The following TECRL variants were observed in gnomAD, a reference collection of about 807,000 sequenced individuals.
TECRL encodes trans-2,3-enoyl-CoA reductase like, also known as trans-2,3-enoyl-CoA reductase-like.
Under a neutral mutation model 52.8 loss-of-function variants are expected in TECRL, and 63 were observed. The observed-to-expected ratio is 1.19, with a 90% confidence interval of 0.97 to 1.47. The LOEUF is 1.47. Ranked by LOEUF, TECRL falls within the 40% of genes most tolerant of loss-of-function variation. The probability of loss-of-function intolerance (pLI) is 0.00; values close to 1 mark genes in which losing one functional copy is unlikely to be tolerated. For synonymous variants in TECRL, 164 were observed against 141.9 expected, an observed-to-expected ratio of 1.16 and a Z score of -1.10; for missense variants, 482 against 429.6, an observed-to-expected ratio of 1.12 and a Z score of -1.08.
At chr4:64,369,138 A>G (rs1223028991) in intron 2 of TECRL, among the ~76,000 whole-genome samples, 1 of 152,130 alleles carries the variant, frequency 6.6e-6, no homozygotes, top group Admixed American at 6.6e-5. Context: ...GGGCAAAATG[A>G]TTTTGCTTTT....
intron 2 of TECRL, among the ~76,000 whole-genome samples, chr4:64,342,463 T>G (rs1198965611): frequency 6.6e-6 from 1 of 150,662 alleles, no homozygotes; most frequent in African/African-American, 2.4e-5. Flanking sequence ...GTGTGTGTGT[T>G]TATTTATATT....
intron 2 of TECRL, among the ~76,000 whole-genome samples, chr4:64,335,984 G>A (rs963873859): frequency 6.6e-6 from 1 of 151,800 alleles, no homozygotes; most frequent in Non-Finnish European, 1.5e-5. Context: ...TTTGGTTGTT[G>A]TGTCTCTGCC....
chr4:64,335,926 T>C (rs1243535029), intron 2 of TECRL, among the ~76,000 whole-genome samples: 3 of 152,216 alleles, frequency 2.0e-5, no homozygotes, highest in African/African-American at 7.2e-5. Context: ...GCCAGTATTT[T>C]ATTGAGAATT....
At chr4:64,371,695 T>C (rs1721981581) in intron 2 of TECRL, among the ~76,000 whole-genome samples, 1 of 151,776 alleles carries the variant, frequency 6.6e-6, no homozygotes, top group Non-Finnish European at 1.5e-5. Flanking sequence ...TCATTCCTGC[T>C]CCAGCTAGCC....
At chr4:64,400,646 T>C (rs969966081) in intron 1 of TECRL, among the ~76,000 whole-genome samples, 8 of 152,130 alleles carry the variant, frequency 5.3e-5, no homozygotes, top group Non-Finnish European at 1.0e-4. Context: ...TTTAGTACCA[T>C]TCTCTTGGCA....
intron 1 of TECRL, among the ~76,000 whole-genome samples, chr4:64,395,789 T>C (rs1723904592): frequency 6.6e-6 from 1 of 152,122 alleles, no homozygotes; most frequent in African/African-American, 2.4e-5. Context: ...ATAAACATAG[T>C]AGCCAATAGT....
chr4:64,289,710 C>A lies in TECRL; in HGVS notation c.832G>T (p.Gly278Ter). The A allele has an allele frequency of 1.3e-6, 2 of 1,533,826 alleles. No individual in the cohort carries two copies. The highest frequency in any genetic ancestry group is 1.7e-6 in the Non-Finnish European group (2 of 1,150,868). The change falls in exon 9 of 12, where the codon GGA becomes TGA. Residue 278 changes from glycine (G) to a stop codon, truncating the protein, a stop_gained and splice_region_variant. Coordinates refer to ENST00000381210, the MANE Select transcript of TECRL (RefSeq NM_001010874.5). LOFTEE classifies it high-confidence loss of function. ...AAAAGAAAAAGAAAAAAGAACTAAC[C>A]TGTGTGATTGGGATGAGACAACATT... ...NVMLSHPNHT[G>*]NNACFPSPNY...
chr4:64,404,797 A>G (rs143430956), intron 1 of TECRL, among the ~76,000 whole-genome samples: 129 of 152,232 alleles, frequency 8.5e-4, no homozygotes, highest in African/African-American at 3.0e-3. Flanking sequence ...TGTATGAACA[A>G]ATATTCTAAC....
At chr4:64,322,845 C>T (rs796745993) in intron 3 of TECRL, 53 bp from the exon 4 acceptor site, 154 of 1,317,148 alleles carry the variant, frequency 1.2e-4, no homozygotes, top group African/African-American at 2.2e-4. Context: ...CTTAGCATAA[C>T]GATAAAGAAT....
chr4:64,355,465 G>A (rs917388391), intron 2 of TECRL, among the ~76,000 whole-genome samples: 5 of 152,002 alleles, frequency 3.3e-5, no homozygotes, highest in African/African-American at 1.2e-4. Flanking sequence ...AGACTCAAGA[G>A]ATTATGTAAA....
chr4:64,389,111 T>G (rs191056105), intron 1 of TECRL, among the ~76,000 whole-genome samples: 1 of 152,072 alleles, frequency 6.6e-6, no homozygotes, highest in East Asian at 1.9e-4. Flanking sequence ...GTAAACTCTT[T>G]ATTTCCTTTT....
chr4:64,329,315 TAA>T (rs1718470723), intron 2 of TECRL, among the ~76,000 whole-genome samples: 1 of 151,978 alleles, frequency 6.6e-6, no homozygotes, highest in Non-Finnish European at 1.5e-5. Context: ...AATAAATTTT[TAA>T]AAGAGTATTT....
intron 2 of TECRL, among the ~76,000 whole-genome samples, 161 bp from the exon 3 acceptor site, chr4:64,328,717 C>G (rs1718427056): frequency 6.6e-6 from 1 of 151,714 alleles, no homozygotes; most frequent in Non-Finnish European, 1.5e-5. Flanking sequence ...AGGGTACTGA[C>G]CAGCAATGAC....
chr4:64,281,071 T>A lies in TECRL; in HGVS notation c.934A>T (p.Ser312Cys), dbSNP rs1294824837. 1 of 1,602,488 alleles carries A rather than the reference T, an allele frequency of 6.2e-7. No individual in the cohort carries two copies. The highest frequency in any genetic ancestry group is 1.7e-5 in the Admixed American group (1 of 59,470). The change falls in exon 11 of 12, where the codon AGT becomes TGT. Residue 312 changes from serine to cysteine, a missense_variant. Transcript: ENST00000381210. ...NYTYEIGSWI[S>C]FTVMTQTLPV... ...AGTGTTTGTGTCATGACTGTGAAACTAATCCATGATCCAATCTGTTATATT... is the reference window on the plus strand; with the variant it reads ...AGTGTTTGTGTCATGACTGTGAAACAAATCCATGATCCAATCTGTTATATT...
chr4:64,337,090 C>G (rs905998552), intron 2 of TECRL, among the ~76,000 whole-genome samples: 1 of 152,030 alleles, frequency 6.6e-6, no homozygotes, highest in Admixed American at 6.6e-5. Flanking sequence ...ATTGATCTGT[C>G]TAATGTTGAC....
intron 7 of TECRL, among the ~76,000 whole-genome samples, chr4:64,302,621 G>A (rs1464943698): frequency 6.6e-6 from 1 of 151,060 alleles, no homozygotes; most frequent in Non-Finnish European, 1.5e-5. Context: ...GTAAAATGAG[G>A]GAAACTATGT....
intron 1 of TECRL, among the ~76,000 whole-genome samples, chr4:64,408,585 A>G (rs1724886845): frequency 6.6e-6 from 1 of 151,962 alleles, no homozygotes; most frequent in African/African-American, 2.4e-5. Context: ...AAGCAAGTAA[A>G]CTTTCATAAA....
rs1001762081 is a variant in TECRL, at chr4:64,317,202, T to C, written c.436-2439A>G. 5.9e-5 allele frequency among the ~76,000 whole-genome samples: 9 copies of C among 151,794 alleles called. No homozygotes were observed. In the East Asian group the frequency reaches 1.8e-3, roughly 30 times the overall value. ...CTGAGGCAGAAGAATGGCGTGAACC[T>C]GGGAGGCGGAGCTTGCAGTGAGCCA... On this transcript the variant is annotated intron_variant, in intron 4 of 11. Transcript: ENST00000381210.
At chr4:64,307,931 G>A (rs1038948760) in intron 6 of TECRL, among the ~76,000 whole-genome samples, 2 of 152,080 alleles carry the variant, frequency 1.3e-5, no homozygotes, top group African/African-American at 4.8e-5. Flanking sequence ...ATGATAATAT[G>A]GGAAGATGGA....
Sources: allele counts gnomAD v4.1 joint callset (sites outside exome capture counted in the v4.1 genomes callset), GRCh38; gene constraint gnomAD v4.1.1; transcripts MANE v1.5; gene names NCBI Gene and HGNC (gene_info 2026-07-23, HGNC 2026-07-21).